KCNIP4: variants seen among roughly 807,000 people sequenced by gnomAD.
The protein encoded by KCNIP4 is Kv channel-interacting protein 4.
Under a neutral mutation model 34.0 loss-of-function variants are expected in KCNIP4, and 12 were observed. That is an observed-to-expected ratio of 0.35 (90% CI 0.23 to 0.57). The LOEUF (loss-of-function observed/expected upper bound fraction) is 0.57, where lower values mean the gene tolerates loss of function less well. Ranked by LOEUF, KCNIP4 falls within the 20% of genes least tolerant of loss-of-function variation. The pLI, the probability that KCNIP4 is intolerant of heterozygous loss-of-function variation, is 0.83. For missense variants in KCNIP4, 238 were observed against 311.7 expected (o/e 0.76, Z 1.78); for synonymous variants, 124 against 102.2 (o/e 1.21, Z -1.29).
At chr4:21,528,169 G>A (rs546079308) in intron 1 of KCNIP4, among the ~76,000 whole-genome samples, 6 of 152,196 alleles carry the variant, frequency 3.9e-5, no homozygotes, top group African/African-American at 1.4e-4. Context: ...ATTCCAGATC[G>A]ATGCTTTTTT....
chr4:21,374,184 G>A (rs1720753372), intron 1 of KCNIP4, among the ~76,000 whole-genome samples: 1 of 147,098 alleles, frequency 6.8e-6, no homozygotes, highest in Non-Finnish European at 1.5e-5. Context: ...CAATAGGTGA[G>A]TGTATTAGTT....
intron 1 of KCNIP4, among the ~76,000 whole-genome samples, chr4:21,391,096 G>A (rs1051620545): frequency 3.3e-5 from 5 of 151,862 alleles, no homozygotes; most frequent in Admixed American, 1.3e-4. Context: ...GTGCTTATTG[G>A]CATTTTTATA....
At chr4:21,103,089 A>G (rs546923177) in intron 1 of KCNIP4, among the ~76,000 whole-genome samples, 2 of 152,086 alleles carry the variant, frequency 1.3e-5, no homozygotes, top group South Asian at 4.1e-4. Flanking sequence ...AATACTATCA[A>G]TCAAATGGGG....
intron 3 of KCNIP4, among the ~76,000 whole-genome samples, chr4:20,813,180 G>C (rs1271215976): frequency 6.6e-6 from 1 of 152,060 alleles, no homozygotes; most frequent in Admixed American, 6.6e-5. Flanking sequence ...TACTGAGAAT[G>C]GCAGGAAGCT....
At chr4:21,596,079 T>C (rs1185505936) in intron 1 of KCNIP4, among the ~76,000 whole-genome samples, 2 of 152,128 alleles carry the variant, frequency 1.3e-5, no homozygotes, top group African/African-American at 4.8e-5. Flanking sequence ...CCTTGTATCA[T>C]GGCCCAACTC....
At chr4:21,873,320 A>G (rs1244652506) in intron 1 of KCNIP4, among the ~76,000 whole-genome samples, 1 of 151,998 alleles carries the variant, frequency 6.6e-6, no homozygotes, top group African/African-American at 2.4e-5. Context: ...CAAACCAACC[A>G]CTCAGCTGAC....
chr4:20,848,315 G>T (rs1488768341), intron 3 of KCNIP4, among the ~76,000 whole-genome samples: 2 of 151,740 alleles, frequency 1.3e-5, no homozygotes, highest in African/African-American at 4.8e-5. Flanking sequence ...GGGAAGAGCT[G>T]AAAGGAGACA....
intron 1 of KCNIP4, among the ~76,000 whole-genome samples, chr4:21,225,317 A>T (rs1000011661): frequency 6.6e-6 from 1 of 152,008 alleles, no homozygotes; most frequent in Non-Finnish European, 1.5e-5. Flanking sequence ...AAAAAGGAAG[A>T]TCCTTTCAAC....
At chr4:21,451,222 T>G (rs941006388) in intron 1 of KCNIP4, among the ~76,000 whole-genome samples, 5 of 152,128 alleles carry the variant, frequency 3.3e-5, no homozygotes, top group African/African-American at 9.7e-5. Context: ...TCCTGAGTAA[T>G]GAGCAACGAG....
chr4:21,933,909 C>T (rs1729710578), intron 1 of KCNIP4, among the ~76,000 whole-genome samples: 1 of 152,058 alleles, frequency 6.6e-6, no homozygotes, highest in South Asian at 2.1e-4. Context: ...CTTGAAAGTG[C>T]TATGGTGTCT....
chr4:21,664,112 AT>A (rs1214622066), intron 1 of KCNIP4, among the ~76,000 whole-genome samples: 10 of 151,176 alleles, frequency 6.6e-5, no homozygotes, highest in Admixed American at 4.6e-4. Context: ...CAACTGGCTA[AT>A]TTTTTTTTGT....
chr4:21,452,535 T>C (rs143386959), intron 1 of KCNIP4, among the ~76,000 whole-genome samples: 17 of 152,186 alleles, frequency 1.1e-4, no homozygotes, highest in Middle Eastern at 3.4e-3. Flanking sequence ...ACCTCCCTCA[T>C]AGGGCAGTTT....
At chr4:21,563,126 G>C (rs1395943998) in intron 1 of KCNIP4, among the ~76,000 whole-genome samples, 2 of 151,794 alleles carry the variant, frequency 1.3e-5, no homozygotes, top group African/African-American at 4.8e-5. Context: ...AGTTTCCATA[G>C]GGCCATAATT....
intron 1 of KCNIP4, among the ~76,000 whole-genome samples, chr4:21,571,888 C>T (rs912137849): frequency 6.6e-6 from 1 of 152,110 alleles, no homozygotes; most frequent in Non-Finnish European, 1.5e-5. Context: ...ATTTTGCTTA[C>T]ATTAATACCC....
At chr4:21,312,723 C>A (rs957183006) in intron 1 of KCNIP4, among the ~76,000 whole-genome samples, 3 of 152,168 alleles carry the variant, frequency 2.0e-5, no homozygotes, top group African/African-American at 7.2e-5. Context: ...TTCCTGCATT[C>A]ATGACAACTT....
At chr4:21,157,237 T>C (rs1471122122) in intron 1 of KCNIP4, among the ~76,000 whole-genome samples, 2 of 152,150 alleles carry the variant, frequency 1.3e-5, no homozygotes, top group Non-Finnish European at 1.5e-5. Flanking sequence ...AATCAAGAAC[T>C]ATGTATTTAA....
intron 1 of KCNIP4, among the ~76,000 whole-genome samples, chr4:21,554,375 A>T (rs1425080273): frequency 6.6e-6 from 1 of 152,100 alleles, no homozygotes; most frequent in African/African-American, 2.4e-5. Flanking sequence ...TTTGATGGGG[A>T]GCCAAGACTG....
intron 1 of KCNIP4, among the ~76,000 whole-genome samples, chr4:20,969,556 T>TGTGTGTG (rs768106162): frequency 5.9e-4 from 88 of 149,698 alleles, no homozygotes; most frequent in African/African-American, 2.1e-3. Flanking sequence ...GCGTGTGTGT[T>TGTGTGTG]TGTGTGTGTG....
rs568126838 is a variant in KCNIP4, at chr4:20,870,179, T to C, written c.163+12429A>G. On this transcript the variant is annotated intron_variant, in intron 2 of 8. Coordinates refer to ENST00000382152, the MANE Select transcript of KCNIP4 (RefSeq NM_025221.6). ...TGCCCACCCAAATCTCATGTTGAAT[T>C]GTAATTCCCAGTGTTGGGGGAGGCA... 1.8e-3 allele frequency among the ~76,000 whole-genome samples: 274 copies of C among 152,078 alleles called. 9 individuals carry two copies. The highest frequency in any genetic ancestry group is 6.5e-4 in the Non-Finnish European group (44 of 68,012).
Sources: gnomAD v4.1 joint callset for allele counts (sites outside exome capture counted in the v4.1 genomes callset) on GRCh38, gnomAD v4.1.1 for gene constraint, MANE v1.5 for transcripts, NCBI Gene and HGNC (gene_info 2026-07-23, HGNC 2026-07-21) for gene names.